RAD9B: variants seen among roughly 807,000 people sequenced by gnomAD.
The protein encoded by RAD9B is RAD9 checkpoint clamp component B.
In RAD9B, 41 loss-of-function variants were observed where a neutral mutation model predicts 48.3. The ratio of observed to expected loss-of-function variants is 0.85; its 90% CI spans 0.66 to 1.10. The LOEUF (loss-of-function observed/expected upper bound fraction) is 1.10, where lower values mean the gene tolerates loss of function less well. RAD9B is among the 50% of genes least tolerant of loss of function. RAD9B has a pLI of 0.00. For missense variants in RAD9B, 444 were observed against 485.1 expected (o/e 0.92, Z 0.80); for synonymous variants, 160 against 157.9 (o/e 1.01, Z -0.10).
rs372124413 is a variant in RAD9B, at chr12:110,518,033, T to C, written c.596-643T>C. 3.9e-4 allele frequency among the ~76,000 whole-genome samples: 59 copies of C among 151,194 alleles called. No homozygotes were observed. The South Asian group carries it at 5.4e-3, about 14-fold the overall frequency. Reference sequence around the variant, plus strand: ...GAAACCCCATCTCTACTAAAAGAAATACAAAAAATTAGCCGAGTGTGGTGG... The same window carrying C: ...GAAACCCCATCTCTACTAAAAGAAACACAAAAAATTAGCCGAGTGTGGTGG... On this transcript the variant is annotated intron_variant, in intron 6 of 10. Coordinates refer to ENST00000409300, the MANE Select transcript of RAD9B (RefSeq NM_001286535.2).
Position 110,522,220 on chromosome 12 carries a change from C to T in RAD9B, c.934C>T (p.Gln312Ter). The change falls in exon 10 of 11, where the codon CAG (glutamine) becomes TAG (stop). Residue 312 changes from glutamine (Q) to a stop codon, truncating the protein, a stop_gained. Coordinates refer to ENST00000409300, the MANE Select transcript of RAD9B (RefSeq NM_001286535.2). LOFTEE classifies it high-confidence loss of function. The stretch of plus-strand genomic sequence containing the variant: ...AAAGGCTGGCAAAAATGTAACTGGC[C>T]AGGCCCTGGAATGTATTTCAAAAAA... ...EKKAGKNVTG[Q>*]ALECISKKAA... 6.2e-7 allele frequency: 1 copy of T among 1,603,908 alleles called. No homozygotes were observed. The highest frequency in any genetic ancestry group is 1.1e-5 in the South Asian group (1 of 89,022).
chr12:110,505,481 C>G (rs1227106393), intron 2 of RAD9B, 136 bp from the exon 3 acceptor site: 3 of 563,048 alleles, frequency 5.3e-6, no homozygotes, highest in East Asian at 3.3e-5. Flanking sequence ...GGGTCTTGCT[C>G]TGTTGGCCAG....
intron 4 of RAD9B, chr12:110,511,414 C>A (rs1442782634): frequency 4.7e-6 from 2 of 430,084 alleles, no homozygotes; most frequent in East Asian, 7.3e-5. Context: ...ATAATGAAAT[C>A]TTGTCATTTG....
chr12:110,532,481 G>T lies in RAD9B; in HGVS notation c.*1828G>T, dbSNP rs182047975. Among the ~76,000 whole-genome samples the T allele has an allele frequency of 3.9e-5, 6 of 152,308 alleles. No homozygotes were observed. Among genetic ancestry groups the T allele is most frequent in the African/African-American group, 1.2e-4 (5 of 41,564 alleles). On this transcript the variant is annotated 3_prime_UTR_variant, in exon 11 of 11. Coordinates refer to ENST00000409300, the MANE Select transcript of RAD9B (RefSeq NM_001286535.2). The stretch of plus-strand genomic sequence containing the variant: ...AGCACTTTGGGAGGCCCAGGTGGGC[G>T]GATCAGTTGAGCCCAGCAGTTCAAG...
At chr12:110,520,448 G>C (rs1448089250) in intron 9 of RAD9B, among the ~76,000 whole-genome samples, 3 of 151,866 alleles carry the variant, frequency 2.0e-5, no homozygotes. Flanking sequence ...CTGGGCTGAA[G>C]CCATCCACCT....
chr12:110,513,836 G>C (rs956142345), intron 5 of RAD9B, among the ~76,000 whole-genome samples: 1 of 151,678 alleles, frequency 6.6e-6, no homozygotes, highest in African/African-American at 2.4e-5. Flanking sequence ...CAATTCTTGT[G>C]CCTCAGCTTC....
Position 110,532,295 on chromosome 12 carries a change from G to GT in RAD9B, c.*1643dup, listed in dbSNP as rs1371948185. On this transcript the variant is annotated 3_prime_UTR_variant, in exon 11 of 11. Transcript: ENST00000409300. ...AGCTTTTATACACAAAAGTAACTCT[G>GT]TAGGTCTCTTTGCTGAGGATAACAT... Among the ~76,000 whole-genome samples the GT allele has an allele frequency of 1.3e-5, 2 of 152,348 alleles. No individual in the cohort carries two copies. The highest frequency in any genetic ancestry group is 3.8e-4 in the East Asian group (2 of 5,196).
intron 6 of RAD9B, among the ~76,000 whole-genome samples, chr12:110,517,291 T>C (rs1413832721): frequency 6.6e-6 from 1 of 152,112 alleles, no homozygotes; most frequent in East Asian, 1.9e-4. Context: ...ATCATGCCAC[T>C]GTATTACAGC....
In RAD9B at chr12:110,532,481, G is replaced by A. The variant is rs182047975; in HGVS notation, c.*1828G>A. On this transcript the variant is annotated 3_prime_UTR_variant, in exon 11 of 11. Transcript: ENST00000409300. ...AGCACTTTGGGAGGCCCAGGTGGGC[G>A]GATCAGTTGAGCCCAGCAGTTCAAG... Among the ~76,000 whole-genome samples the A allele has an allele frequency of 2.6e-5, 4 of 152,308 alleles. No individual in the cohort carries two copies. In the East Asian group the frequency reaches 7.7e-4, roughly 29 times the overall value.
chr12:110,505,792 G>T lies in RAD9B; in HGVS notation c.273+20G>T. On this transcript the variant is annotated intron_variant, in intron 3 of 10. Coordinates refer to ENST00000409300, the MANE Select transcript of RAD9B (RefSeq NM_001286535.2). ...ATGAAGGTAAATATAAGTGGCCCTG[G>T]TTTTCTCTTATTCTGTAGAAATATT... 1 of 1,601,666 alleles carries T rather than the reference G, an allele frequency of 6.2e-7. No individual in the cohort carries two copies. Among genetic ancestry groups the T allele is most frequent in the Non-Finnish European group, 8.5e-7 (1 of 1,171,832 alleles).
chr12:110,509,198 G>C lies in RAD9B; in HGVS notation c.388+2505G>C, dbSNP rs77530277. ...TTAGCCAGGATGATCTCGATCTCCT[G>C]ACCTCGTGATCTGCCCTCCTTGGCC... On this transcript the variant is annotated intron_variant, in intron 4 of 10. Transcript: ENST00000409300. Among the ~76,000 whole-genome samples the C allele has an allele frequency of 3.9e-5, 6 of 152,054 alleles. No homozygotes were observed. The East Asian group carries it at 9.7e-4, about 25-fold the overall frequency.
chr12:110,512,999 T>C (rs1041128301), intron 5 of RAD9B, 121 bp downstream of exon 5: 5 of 595,302 alleles, frequency 8.4e-6, no homozygotes, highest in Admixed American at 3.3e-5. Flanking sequence ...GGAGTCTCGC[T>C]GTGTCGCCCA....
At chr12:110,529,998 A>G (rs187711601) in intron 10 of RAD9B, among the ~76,000 whole-genome samples, 1 of 152,238 alleles carries the variant, frequency 6.6e-6, no homozygotes, top group East Asian at 1.9e-4. Flanking sequence ...CATTGATCCC[A>G]AACTGAAGAT....
Position 110,531,870 on chromosome 12 carries a change from CATCT to C in RAD9B, c.*1218_*1221del, listed in dbSNP as rs1184680673. On this transcript the variant is annotated 3_prime_UTR_variant, in exon 11 of 11. Transcript: ENST00000409300. ...AGACTTTTGTAACATATTATTGTTA[CATCT>C]TTCTGAAACCTTCAAACCGTAAGGA... The C allele has an allele frequency of 4.3e-6, 2 of 466,358 alleles. No individual in the cohort carries two copies. The highest frequency in any genetic ancestry group is 3.0e-5 in the South Asian group (1 of 33,546). The allele number at this position is 466,358 out of a possible 1,614,324, so 28.9% of individuals were successfully genotyped here.
intron 10 of RAD9B, among the ~76,000 whole-genome samples, chr12:110,527,197 C>T (rs942787371): frequency 6.6e-6 from 1 of 152,086 alleles, no homozygotes; most frequent in Non-Finnish European, 1.5e-5. Flanking sequence ...AGTTCTTTTC[C>T]AGCTTCAAAA....
intron 3 of RAD9B, among the ~76,000 whole-genome samples, 200 bp from the exon 4 acceptor site, chr12:110,506,379 G>A (rs914416934): frequency 1.3e-5 from 2 of 150,442 alleles, no homozygotes; most frequent in Non-Finnish European, 3.0e-5. Flanking sequence ...TAGTAGAGAC[G>A]GGGTTTCACT....
At chr12:110,525,341 G>A (rs1179029423) in intron 10 of RAD9B, among the ~76,000 whole-genome samples, 3 of 152,004 alleles carry the variant, frequency 2.0e-5, no homozygotes, top group Non-Finnish European at 4.4e-5. Context: ...GCCCAGGCTG[G>A]TCTCAAACTC....
In RAD9B at chr12:110,530,778, T is replaced by C; in HGVS notation, c.*125T>C. On this transcript the variant is annotated 3_prime_UTR_variant, in exon 11 of 11. Transcript: ENST00000409300. ...ACTTCCTTTTAATGGAGGATGGGCT[T>C]TTAAACCACATCATCTTGTACAACA... 6.7e-7 allele frequency: 1 copy of C among 1,495,396 alleles called. No individual in the cohort carries two copies. 92.6% of individuals were successfully genotyped at this position (1,495,396 alleles called of 1,614,324 possible).
chr12:110,506,753 T>C, intron 4 of RAD9B, 60 bp downstream of exon 4: 1 of 823,974 alleles, frequency 1.2e-6, no homozygotes. Context: ...TTTTCATGTT[T>C]AGAACATTGA....
Sources: gnomAD v4.1 joint callset for allele counts (sites outside exome capture counted in the v4.1 genomes callset) on GRCh38, gnomAD v4.1.1 for gene constraint, MANE v1.5 for transcripts, NCBI Gene and HGNC (gene_info 2026-07-23, HGNC 2026-07-21) for gene names.